SEPTIN9: variants seen among roughly 807,000 people sequenced by gnomAD.
SEPTIN9 encodes the protein septin 9, also known as septin-9.
In SEPTIN9, 13 loss-of-function variants were observed where a neutral mutation model predicts 56.6. The ratio of observed to expected loss-of-function variants is 0.23; its 90% confidence interval spans 0.15 to 0.37. The LOEUF is 0.37. SEPTIN9 is among the 10% of genes least tolerant of loss of function. The pLI is 1.00. For missense variants in SEPTIN9, 650 were observed against 823.1 expected (o/e 0.79, Z 2.57); for synonymous variants, 332 against 334.1 (o/e 0.99, Z 0.07).
chr17:77,398,998 C>T (rs529837871), intron 2 of SEPTIN9, among the ~76,000 whole-genome samples: 4 of 152,262 alleles, frequency 2.6e-5, no homozygotes, highest in Admixed American at 6.5e-5. Context: ...GGTTGGGGAC[C>T]GGCACACATG....
Position 77,405,652 on chromosome 17 carries a change from T to C in SEPTIN9, c.721+2949T>C, listed in dbSNP as rs923194113. Among the ~76,000 whole-genome samples the C allele has an allele frequency of 1.3e-5, 2 of 150,880 alleles. No individual in the cohort carries two copies. Among genetic ancestry groups the C allele is most frequent in the African/African-American group, 4.9e-5 (2 of 40,860 alleles). ...ACAGACGAGGGCAGGGCCTTCCCAA[T>C]GGAGGAGTGCTCTTGAAATCCGATG... On this transcript the variant is annotated intron_variant, in intron 3 of 11. Transcript: ENST00000427177. The surrounding 1 kb of genome is among the most constrained non-coding windows in gnomAD (Gnocchi z 5.8).
chr17:77,458,280 G>A (rs941558256), intron 3 of SEPTIN9, among the ~76,000 whole-genome samples: 1 of 152,222 alleles, frequency 6.6e-6, no homozygotes, highest in East Asian at 1.9e-4. Flanking sequence ...GCTGGAGCAA[G>A]GTTCCCAGCC....
chr17:77,497,569 C>A, intron 11 of SEPTIN9: 1 of 622,790 alleles, frequency 1.6e-6, no homozygotes, highest in Admixed American at 2.5e-5. Flanking sequence ...CAGTGAAGAT[C>A]CTTTTCAACC....
chr17:77,404,529 T>A (rs1479589877), intron 3 of SEPTIN9, among the ~76,000 whole-genome samples: 2 of 152,236 alleles, frequency 1.3e-5, no homozygotes, highest in Non-Finnish European at 2.9e-5. Flanking sequence ...ATTATAGGCA[T>A]GAGCCACCCA....
rs1205387762 is a variant in SEPTIN9, at chr17:77,402,536, C to T, written c.554C>T (p.Pro185Leu). ...ACTGCCCCTGCCACCGACGCAGCCC[C>T]CAAGAGGGTGGAGATCCAGATGCCC... ...VPTAPATDAAPKRVEIQMPKP... is the reference protein window; with the variant it reads ...VPTAPATDAALKRVEIQMPKP... Residue 185 changes from proline (P) to leucine (L), a missense_variant, in exon 3 of 12, where the codon CCC becomes CTC. This residue lies in a region of SEPTIN9 where 317 missense variants were observed against 329.1 expected (regional missense o/e 0.96). Coordinates refer to ENST00000427177, the MANE Select transcript of SEPTIN9 (RefSeq NM_001113491.2). This position sits in a 1 kb window ranked among gnomAD's most constrained non-coding sequence, Gnocchi z 6.6. 1.2e-6 allele frequency: 2 copies of T among 1,607,820 alleles called. No homozygotes were observed. The highest frequency in any genetic ancestry group is 1.7e-6 in the Non-Finnish European group (2 of 1,177,706).
At chr17:77,360,092 G>T (rs2034365871) in intron 2 of SEPTIN9, among the ~76,000 whole-genome samples, 1 of 151,266 alleles carries the variant, frequency 6.6e-6, no homozygotes, top group South Asian at 2.1e-4. Context: ...AGGAGGCGGA[G>T]GTTGCAGTGA....
intron 2 of SEPTIN9, among the ~76,000 whole-genome samples, chr17:77,387,083 CCCCCGTGA>C (rs1415084910): frequency 6.6e-6 from 1 of 152,178 alleles, no homozygotes; most frequent in Non-Finnish European, 1.5e-5. Flanking sequence ...GGGAGGAGGG[CCCCCGTGA>C]CAGTTTGCTG....
At chr17:77,466,399 G>T in intron 3 of SEPTIN9, 1 of 985,490 alleles carries the variant, frequency 1.0e-6, no homozygotes, top group Non-Finnish European at 1.2e-6. Flanking sequence ...CCCGGAGTTC[G>T]GGCTGGAAGG....
intron 2 of SEPTIN9, among the ~76,000 whole-genome samples, chr17:77,345,675 G>A (rs140665439): frequency 1.4e-3 from 214 of 152,288 alleles, no homozygotes; most frequent in Non-Finnish European, 2.5e-3. Context: ...CTGGGCACAC[G>A]CCACTGGCAG....
intron 2 of SEPTIN9, among the ~76,000 whole-genome samples, chr17:77,364,602 G>A (rs2034517620): frequency 6.6e-6 from 1 of 152,194 alleles, no homozygotes; most frequent in Non-Finnish European, 1.5e-5. Flanking sequence ...AGGAGAGGGG[G>A]GCAGGAAGAG....
intron 2 of SEPTIN9, among the ~76,000 whole-genome samples, chr17:77,339,384 A>G (rs1419959634): frequency 6.6e-6 from 1 of 152,234 alleles, no homozygotes; most frequent in East Asian, 1.9e-4. Flanking sequence ...TGGGTGTTAC[A>G]TTAGCAGGCA....
intron 1 of SEPTIN9, among the ~76,000 whole-genome samples, chr17:77,297,394 G>A (rs2031865646): frequency 6.6e-6 from 1 of 152,106 alleles, no homozygotes; most frequent in Non-Finnish European, 1.5e-5. Context: ...TCCATATTGA[G>A]GGAGGATCTT....
intron 2 of SEPTIN9, among the ~76,000 whole-genome samples, chr17:77,362,309 G>T (rs2034443911): frequency 2.6e-5 from 4 of 152,200 alleles, no homozygotes; most frequent in Admixed American, 2.6e-4. Context: ...TGGTCCCTGT[G>T]ACCAGAGTAG....
At chr17:77,471,510 C>T (rs531384783) in intron 3 of SEPTIN9, among the ~76,000 whole-genome samples, 8 of 152,276 alleles carry the variant, frequency 5.3e-5, no homozygotes, top group Non-Finnish European at 7.3e-5. Context: ...GGCGGAGCCC[C>T]AGCCCCCACA....
intron 1 of SEPTIN9, among the ~76,000 whole-genome samples, chr17:77,301,531 T>G (rs1455675205): frequency 2.0e-5 from 3 of 152,106 alleles, no homozygotes; most frequent in African/African-American, 7.2e-5. Context: ...CTCAAGTGCT[T>G]CTTCTGCCTC....
chr17:77,482,554 C>T (rs1487980129), intron 4 of SEPTIN9: 2 of 701,090 alleles, frequency 2.9e-6, no homozygotes, highest in East Asian at 2.7e-5. Context: ...CCTGCACATC[C>T]AGGGCCCCTG....
rs2039178606 is a variant in SEPTIN9 at position 77,475,638 on chromosome 17, G to A, written c.722-6506G>A. 5 of 1,613,842 alleles carry A rather than the reference G, an allele frequency of 3.1e-6. No individual in the cohort carries two copies. In the East Asian group the frequency reaches 1.1e-4, roughly 36 times the overall value. ...GAGGGCAGCTGGAGGCTGCTCCAGTGTGCATTGTTACGAGGCAAAGTAAGG... is the reference window on the plus strand; with the variant it reads ...GAGGGCAGCTGGAGGCTGCTCCAGTATGCATTGTTACGAGGCAAAGTAAGG... On this transcript the variant is annotated intron_variant, in intron 3 of 11. Coordinates refer to ENST00000427177, the MANE Select transcript of SEPTIN9 (RefSeq NM_001113491.2). This position sits in a 1 kb window ranked among gnomAD's most constrained non-coding sequence, Gnocchi z 4.6.
intron 2 of SEPTIN9, among the ~76,000 whole-genome samples, chr17:77,335,066 G>A (rs527914498): frequency 6.6e-6 from 1 of 151,120 alleles, no homozygotes; most frequent in South Asian, 2.1e-4. Flanking sequence ...ATGTGGTCCT[G>A]TATTAGTATA....
At chr17:77,331,231 T>C (rs2033336325) in intron 2 of SEPTIN9, among the ~76,000 whole-genome samples, 1 of 152,096 alleles carries the variant, frequency 6.6e-6, no homozygotes, top group African/African-American at 2.4e-5. Flanking sequence ...AACTACAGCT[T>C]CAGAATGATT....
Sources: allele counts gnomAD v4.1 joint callset (sites outside exome capture counted in the v4.1 genomes callset), GRCh38; gene constraint gnomAD v4.1.1; regional missense constraint gnomAD v4.1.1; non-coding constraint Gnocchi (gnomAD v3.1); transcripts MANE v1.5; gene names NCBI Gene and HGNC (gene_info 2026-07-23, HGNC 2026-07-21).